The following CTNNA3 variants were observed in gnomAD, a reference collection of about 807,000 sequenced individuals.
The protein encoded by CTNNA3 is catenin alpha-3.
Under a neutral mutation model 95.7 loss-of-function variants are expected in CTNNA3, and 76 were observed. That is an observed-to-expected ratio of 0.79 (90% CI 0.66 to 0.96). The LOEUF is 0.96. Among genes scored for constraint, CTNNA3 ranks in the 40% least tolerant of loss-of-function variants. The pLI is 0.00. For synonymous variants in CTNNA3, 431 were observed against 374.4 expected (o/e 1.15, Z -1.74); for missense variants, 1,191 against 1,089.8 (o/e 1.09, Z -1.31).
chr10:66,983,122 G>T (rs1367981824), intron 7 of CTNNA3, among the ~76,000 whole-genome samples: 1 of 152,178 alleles, frequency 6.6e-6, no homozygotes, highest in Non-Finnish European at 1.5e-5. Flanking sequence ...CACAAAGTCA[G>T]CAGGACTTAA....
chr10:66,660,297 A>T (rs537545667), intron 9 of CTNNA3, among the ~76,000 whole-genome samples: 85 of 152,250 alleles, frequency 5.6e-4, no homozygotes, highest in African/African-American at 1.9e-3. Flanking sequence ...CTTCTGTGAG[A>T]TCACTAAAAT....
intron 13 of CTNNA3, among the ~76,000 whole-genome samples, chr10:66,157,388 C>T (rs1589584292): frequency 6.6e-6 from 1 of 151,628 alleles, no homozygotes; most frequent in Non-Finnish European, 1.5e-5. Context: ...CTTTTTATGG[C>T]TGAGTAGTAT....
chr10:66,620,852 A>C (rs2605505), intron 10 of CTNNA3, among the ~76,000 whole-genome samples: 50,383 of 152,058 alleles, frequency 0.33, 8,781 homozygotes, highest in Middle Eastern at 0.5. Context: ...TAGACTGAGA[A>C]TCTCAGGAGA....
chr10:65,930,305 C>T (rs892244591), intron 17 of CTNNA3, among the ~76,000 whole-genome samples: 1 of 151,342 alleles, frequency 6.6e-6, no homozygotes, highest in Non-Finnish European at 1.5e-5. Flanking sequence ...AACTAAGAAG[C>T]CAAATGTAAA....
intron 1 of CTNNA3, among the ~76,000 whole-genome samples, chr10:67,759,930 C>T (rs1841453983): frequency 6.6e-6 from 1 of 152,178 alleles, no homozygotes. Context: ...CACCTTGAGA[C>T]CTGATGAGAC....
chr10:67,042,716 G>T lies in CTNNA3; in HGVS notation c.1047+137601C>A, dbSNP rs575953090. ...AGGAAAAAAAAGAGGTGGTCAGCAA[G>T]TTTGATTGTCATAGAAAAAGAAGGA... is the stretch of plus-strand genomic sequence containing the variant. On this transcript the variant is annotated intron_variant, in intron 7 of 17. Transcript: ENST00000433211. Among the ~76,000 whole-genome samples, 5 of 152,190 alleles carry T rather than the reference G, an allele frequency of 3.3e-5. No homozygotes were observed. In the East Asian group the frequency reaches 9.7e-4, roughly 29 times the overall value.
intron 3 of CTNNA3, among the ~76,000 whole-genome samples, chr10:67,560,379 G>T (rs1683041945): frequency 6.6e-6 from 1 of 151,960 alleles, no homozygotes; most frequent in Non-Finnish European, 1.5e-5. Context: ...TTCATATCCA[G>T]CCAAACTAAG....
chr10:66,143,233 T>C (rs2083704360), intron 13 of CTNNA3, among the ~76,000 whole-genome samples: 1 of 152,048 alleles, frequency 6.6e-6, no homozygotes, highest in African/African-American at 2.4e-5. Context: ...CAAAAAAGCA[T>C]AGAGTTAGTT....
At chr10:66,093,119 G>A (rs934513332) in intron 14 of CTNNA3, among the ~76,000 whole-genome samples, 4 of 151,742 alleles carry the variant, frequency 2.6e-5, no homozygotes, top group African/African-American at 4.8e-5. Context: ...ATTTCAAGAA[G>A]CATTTATTAA....
At chr10:67,175,796 C>T (rs992780196) in intron 7 of CTNNA3, among the ~76,000 whole-genome samples, 6 of 152,132 alleles carry the variant, frequency 3.9e-5, no homozygotes, top group African/African-American at 1.4e-4. Context: ...AATATCCATG[C>T]TTGGTGTTAT....
At chr10:66,096,028 A>G (rs2081374439) in intron 14 of CTNNA3, among the ~76,000 whole-genome samples, 1 of 152,194 alleles carries the variant, frequency 6.6e-6, no homozygotes, top group Non-Finnish European at 1.5e-5. Context: ...ATCTTTAAAA[A>G]TGTAGTATAA....
chr10:66,794,072 C>T (rs532676739), intron 7 of CTNNA3, among the ~76,000 whole-genome samples: 1 of 152,170 alleles, frequency 6.6e-6, no homozygotes, highest in South Asian at 2.1e-4. Flanking sequence ...GATTAAATTA[C>T]CTGGCCAGAA....
intron 5 of CTNNA3, among the ~76,000 whole-genome samples, chr10:67,444,302 T>C (rs919742522): frequency 2.0e-5 from 3 of 151,990 alleles, no homozygotes; most frequent in African/African-American, 7.2e-5. Flanking sequence ...GACTAGTGGG[T>C]CAATGAAAAA....
chr10:66,331,338 G>GCTTGTTTTTTTTTTTT lies in CTNNA3; in HGVS notation c.1732+47813_1732+47814insAAAAAAAAAAAACAAG. On this transcript the variant is annotated intron_variant, in intron 12 of 17. Coordinates refer to ENST00000433211, the MANE Select transcript of CTNNA3 (RefSeq NM_013266.4). ...TTAAATATGGACTCCTTTCCCCATT[G>GCTTGTTTTTTTTTTTT]TTTGTTTTTTTTTTTTTTTTTTTTT... Among the ~76,000 whole-genome samples, 24 of 39,116 alleles carry GCTTGTTTTTTTTTTTT rather than the reference G, an allele frequency of 6.1e-4. 5 individuals carry two copies. The highest frequency in any genetic ancestry group is 6.5e-4 in the Non-Finnish European group (11 of 16,822). 25.7% of individuals were successfully genotyped at this position (39,116 alleles called of 152,430 possible).
At chr10:66,365,757 GCTCTCTCT>G (rs71035132) in intron 12 of CTNNA3, among the ~76,000 whole-genome samples, 3 of 113,068 alleles carry the variant, frequency 2.7e-5, no homozygotes, top group Admixed American at 9.3e-5. Flanking sequence ...TGCATCTTAG[GCTCTCTCT>G]CTCTCTCTCT....
At chr10:66,285,795 GA>G (rs1441644707) in intron 12 of CTNNA3, among the ~76,000 whole-genome samples, 1 of 151,762 alleles carries the variant, frequency 6.6e-6, no homozygotes, top group Non-Finnish European at 1.5e-5. Flanking sequence ...AACTGGGAGA[GA>G]ATTAATAGTA....
At chr10:65,980,526 C>CA (rs765928337) in intron 16 of CTNNA3, among the ~76,000 whole-genome samples, 11,124 of 116,672 alleles carry the variant, frequency 0.095, 494 homozygotes, top group Non-Finnish European at 0.13. Context: ...AAGGACATAA[C>CA]AAAAAAAAAA....
chr10:67,532,642 A>G (rs550860892), intron 4 of CTNNA3, among the ~76,000 whole-genome samples: 2 of 152,242 alleles, frequency 1.3e-5, no homozygotes, highest in South Asian at 4.1e-4. Flanking sequence ...ATTTCCCTTC[A>G]TTTTTAGGAA....
At chr10:66,871,230 G>T (rs1433165377) in intron 7 of CTNNA3, among the ~76,000 whole-genome samples, 1 of 152,090 alleles carries the variant, frequency 6.6e-6, no homozygotes, top group Non-Finnish European at 1.5e-5. Flanking sequence ...CAGGTAATTT[G>T]TATTCTCTGA....
Sources: allele counts gnomAD v4.1 joint callset (sites outside exome capture counted in the v4.1 genomes callset), GRCh38; gene constraint gnomAD v4.1.1; transcripts MANE v1.5; gene names NCBI Gene and HGNC (gene_info 2026-07-23, HGNC 2026-07-21).